The following NLRP1 variants were observed in gnomAD, a reference collection of about 807,000 sequenced individuals.
NLRP1 encodes the protein NACHT, LRR and PYD domains-containing protein 1.
In NLRP1, 94 loss-of-function variants were observed where a neutral mutation model predicts 136.7. That is an observed-to-expected ratio of 0.69 (90% CI 0.58 to 0.82). The LOEUF (loss-of-function observed/expected upper bound fraction) is 0.82, where lower values mean the gene tolerates loss of function less well. Ranked by LOEUF, NLRP1 falls within the 40% of genes least tolerant of loss-of-function variation. The pLI is 0.00. For missense variants in NLRP1, 1,575 were observed against 1,802.7 expected (o/e 0.87, Z 2.29); for synonymous variants, 690 against 725.1 (o/e 0.95, Z 0.78).
At chr17:5,548,366 T>C (rs532253281) in intron 5 of NLRP1, among the ~76,000 whole-genome samples, 1 of 152,260 alleles carries the variant, frequency 6.6e-6, no homozygotes, top group South Asian at 2.1e-4. Context: ...ATTTCCTCCC[T>C]CTTCCAAGGC....
In NLRP1 at chr17:5,559,902, G is replaced by A. The variant is rs1241282733; in HGVS notation, c.794C>T (p.Ser265Phe). The A allele has an allele frequency of 2.5e-6, 4 of 1,614,204 alleles. No homozygotes were observed. The highest frequency in any genetic ancestry group is 1.6e-4 in the Middle Eastern group (1 of 6,062). Residue 265 changes from serine (S) to phenylalanine (F), a missense_variant, in exon 4 of 17, where the codon TCC (serine) becomes TTC (phenylalanine). Transcript: ENST00000572272. ...WEPSVRESLC[S>F]TWPWKNEDFN... ...ATCCTCATTTTTCCAGGGCCATGTG[G>A]AACAGAGGCTCTCTCTCACAGAAGG... is the stretch of plus-strand genomic sequence containing the variant.
chr17:5,515,372 G>A, intron 16 of NLRP1, 101 bp downstream of exon 16: 2 of 1,018,456 alleles, frequency 2.0e-6, no homozygotes, highest in Non-Finnish European at 3.1e-6. Flanking sequence ...TGTGAGGTTT[G>A]CAGTGATGAG....
intron 12 of NLRP1, among the ~76,000 whole-genome samples, chr17:5,522,561 T>C (rs898747350): frequency 2.6e-5 from 4 of 152,242 alleles, no homozygotes; most frequent in Non-Finnish European, 5.9e-5. Flanking sequence ...TATTTTGTTA[T>C]AGCAGCCTGA....
chr17:5,553,427 A>T lies in NLRP1; in HGVS notation c.2487T>A (p.Cys829Ter). ...GGCAGCGAGGGCGTCTCAGGGTCTT[A>T]CAAAGACTCTTCACTGCAGAGTGGC... ...SLSHSAVKSL[C>*]KTLRRPRCLL... The change falls in exon 5 of 17, where the codon TGT (cysteine) becomes TGA (stop). Residue 829 changes from cysteine (C) to a stop codon, truncating the protein, a stop_gained. Coordinates refer to ENST00000572272, the MANE Select transcript of NLRP1 (RefSeq NM_033004.4). LOFTEE classifies it high-confidence loss of function. The T allele has an allele frequency of 6.2e-7, 1 of 1,614,132 alleles. No homozygotes were observed. Among genetic ancestry groups the T allele is most frequent in the Non-Finnish European group, 8.5e-7 (1 of 1,180,000 alleles).
At chr17:5,562,386 C>T (rs901586974) in intron 3 of NLRP1, among the ~76,000 whole-genome samples, 1 of 152,232 alleles carries the variant, frequency 6.6e-6, no homozygotes, top group African/African-American at 2.4e-5. Context: ...GTATGCCTCT[C>T]TCTGCAGGGC....
At chr17:5,561,988 G>A (rs1914807927) in intron 3 of NLRP1, among the ~76,000 whole-genome samples, 1 of 152,220 alleles carries the variant, frequency 6.6e-6, no homozygotes, top group South Asian at 2.1e-4. Context: ...AGCCATGCAG[G>A]CCATGTCTGC....
chr17:5,509,342 T>G (rs1432288467), downstream of NLRP1, among the ~76,000 whole-genome samples: 1 of 152,198 alleles, frequency 6.6e-6, no homozygotes, highest in Non-Finnish European at 1.5e-5. Context: ...TTCCTTCCCC[T>G]GCTTCCTTCT....
rs549362482 is a variant in NLRP1, at chr17:5,559,702, G to C, written c.994C>G (p.Leu332Val). The change falls in exon 4 of 17, where the codon CTG becomes GTG. Residue 332 changes from leucine to valine, a missense_variant. By Grantham distance (32) the Leu-to-Val change is conservative. Transcript: ENST00000572272. ...LDTQEPRIVI[L>V]QGAAGIGKST... ...TTCCCAATTCCAGCAGCCCCCTGCA[G>C]TATGACTATGCGAGGTTCTTGGGTA... 2.9e-5 allele frequency: 47 copies of C among 1,614,252 alleles called. 1 individual carries two copies. In the East Asian group the frequency reaches 9.4e-4, roughly 32 times the overall value.
chr17:5,574,255 GAA>G (rs1270356083), intron 3 of NLRP1, among the ~76,000 whole-genome samples: 1 of 152,100 alleles, frequency 6.6e-6, no homozygotes, highest in African/African-American at 2.4e-5. Context: ...GAAGTTTAGA[GAA>G]AAAAGAGTAA....
In NLRP1 at chr17:5,539,603, G is replaced by A. The variant is rs980134734; in HGVS notation, c.2700-18C>T. 4 of 1,592,218 alleles carry A rather than the reference G, an allele frequency of 2.5e-6. No individual in the cohort carries two copies. The highest frequency in any genetic ancestry group is 3.4e-6 in the Non-Finnish European group (4 of 1,170,110). ...TGACCAGCCTGCAGGAAAGATACAC[G>A]CCAGCCCAGGTCATTGTCCTAAGGG... On this transcript the variant is annotated intron_variant, in intron 6 of 16. Coordinates refer to ENST00000572272, the MANE Select transcript of NLRP1 (RefSeq NM_033004.4).
At chr17:5,530,403 C>G (rs1367308541) in intron 12 of NLRP1, 78 bp downstream of exon 12, 2 of 1,355,272 alleles carry the variant, frequency 1.5e-6, no homozygotes, top group Non-Finnish European at 2.1e-6. Context: ...CACCCTCTCC[C>G]AGGAGATTAT....
chr17:5,571,881 C>G (rs879683716), intron 3 of NLRP1, among the ~76,000 whole-genome samples: 1 of 152,232 alleles, frequency 6.6e-6, no homozygotes, highest in Admixed American at 6.5e-5. Context: ...AAACGGCATG[C>G]TACTGGTACA....
intron 14 of NLRP1, among the ~76,000 whole-genome samples, chr17:5,519,592 GCCTCTCACC>G (rs1221539805): frequency 1.3e-5 from 2 of 149,232 alleles, no homozygotes; most frequent in African/African-American, 4.9e-5. Flanking sequence ...CATTACAGGT[GCCTCTCACC>G]ATGCCCCACT....
chr17:5,570,441 C>A (rs745306211), intron 3 of NLRP1, among the ~76,000 whole-genome samples: 3 of 151,328 alleles, frequency 2.0e-5, no homozygotes, highest in Non-Finnish European at 4.4e-5. Flanking sequence ...TTACCATTGA[C>A]CCCGTGGAAA....
chr17:5,551,758 T>C (rs1260421048), intron 5 of NLRP1, among the ~76,000 whole-genome samples: 1 of 152,160 alleles, frequency 6.6e-6, no homozygotes, highest in Non-Finnish European at 1.5e-5. Context: ...TTTTTTTCAT[T>C]AATTAAAAAA....
chr17:5,502,789 A>C (rs1907154335), intron 15 of NLRP1: 1 of 152,580 alleles, frequency 6.6e-6, no homozygotes, highest in East Asian at 1.9e-4. Context: ...GATGTCATGG[A>C]GGGGTGTGAA....
chr17:5,521,559 G>T lies in NLRP1; in HGVS notation c.3748C>A (p.Leu1250Ile). The T allele has an allele frequency of 6.2e-7, 1 of 1,614,080 alleles. No homozygotes were observed. Among genetic ancestry groups the T allele is most frequent in the Non-Finnish European group, 8.5e-7 (1 of 1,180,010 alleles). Residue 1250 changes from leucine to isoleucine, a missense_variant, in exon 13 of 17, where the codon CTC becomes ATC. Leu to Ile is a conservative substitution (Grantham distance 5). Coordinates refer to ENST00000572272, the MANE Select transcript of NLRP1 (RefSeq NM_033004.4). ...GAGCAGTCACTTGGGATCAGGTAGA[G>T]GTGGAAGGTGACTTCCTCAGGATGG... Reference protein sequence around the residue: ...RVHPEEVTFHLYLIPSDCSIR... With the variant: ...RVHPEEVTFHIYLIPSDCSIR...
chr17:5,584,031 T>C lies in NLRP1; in HGVS notation c.-74A>G. 1.4e-6 allele frequency: 2 copies of C among 1,401,786 alleles called. No homozygotes were observed. The highest frequency in any genetic ancestry group is 1.3e-5 in the South Asian group (1 of 74,910). 86.8% of individuals were successfully genotyped at this position (1,401,786 alleles called of 1,614,324 possible). A position where few individuals can be genotyped will look rare whatever the true frequency, so the allele number is the denominator to read the frequency against. ...AGGGTATCAGGCAGGCAGAGAACAG[T>C]GCTGTCCTTTGCCTTGGCTCTTACC... On this transcript the variant is annotated 5_prime_UTR_variant, in exon 1 of 17. Transcript: ENST00000572272.
exon 16 of NLRP1, chr17:5,501,837 T>C: frequency 6.2e-7 from 1 of 1,614,016 alleles, no homozygotes. Flanking sequence ...GCGTCTCTGT[T>C]GCACCTGAGG....
Sources: gnomAD v4.1 joint callset for allele counts (sites outside exome capture counted in the v4.1 genomes callset) on GRCh38, gnomAD v4.1.1 for gene constraint, MANE v1.5 for transcripts, NCBI Gene and HGNC (gene_info 2026-07-23, HGNC 2026-07-21) for gene names.